MIGA1: variants seen among roughly 807,000 people sequenced by gnomAD.
MIGA1 encodes mitoguardin 1.
MIGA1 carries 58 observed loss-of-function variants against 82.0 expected under a neutral mutation model. The ratio of observed to expected loss-of-function variants is 0.71; its 90% CI spans 0.57 to 0.88. MIGA1 has a LOEUF of 0.88. Ranked by LOEUF, MIGA1 falls within the 40% of genes least tolerant of loss-of-function variation. The pLI, the probability that MIGA1 is intolerant of heterozygous loss-of-function variation, is 0.00. For missense variants in MIGA1, 751 were observed against 749.1 expected (o/e 1.00, Z -0.03); for synonymous variants, 249 against 253.6 (o/e 0.98, Z 0.17).
At chr1:77,822,783 A>C (rs1683870034) in intron 7 of MIGA1, among the ~76,000 whole-genome samples, 1 of 151,790 alleles carries the variant, frequency 6.6e-6, no homozygotes, top group Non-Finnish European at 1.5e-5. Context: ...TAGTTTGCCA[A>C]CTTAACATTA....
intron 14 of MIGA1, among the ~76,000 whole-genome samples, chr1:77,866,763 A>C (rs1382894344): frequency 6.8e-6 from 1 of 147,508 alleles, no homozygotes; most frequent in Admixed American, 6.9e-5. Flanking sequence ...GGCTCACTGC[A>C]ATCTTTGCTT....
In MIGA1 at chr1:77,811,659, A is replaced by G. The variant is rs1233006134; in HGVS notation, c.638-2075A>G. 8.7e-6 allele frequency: 14 copies of G among 1,611,880 alleles called. No homozygotes were observed. The East Asian group carries it at 1.1e-4, about 13-fold the overall frequency. On this transcript the variant is annotated intron_variant, in intron 5 of 15. Transcript: ENST00000370791. ...GTTGAGCTTGGGCCTCCTTTTGTAG[A>G]TGTCTTGCTAATATCTGATACTCGT...
chr1:77,874,820 A>C (rs772952557), intron 15 of MIGA1, 26 bp from the exon 16 acceptor site: 1 of 1,571,210 alleles, frequency 6.4e-7, no homozygotes, highest in Non-Finnish European at 8.7e-7. Flanking sequence ...TGGTCTAATA[A>C]ATGCCAATTT....
At chr1:77,841,278 T>C (rs1684617096) in intron 7 of MIGA1, among the ~76,000 whole-genome samples, 1 of 151,992 alleles carries the variant, frequency 6.6e-6, no homozygotes, top group African/African-American at 2.4e-5. Flanking sequence ...CTGAAAACAA[T>C]TATAATTTAA....
At chr1:77,791,445 T>C (rs72685304) in intron 2 of MIGA1, among the ~76,000 whole-genome samples, 1,869 of 152,268 alleles carry the variant, frequency 0.012, 43 homozygotes, top group South Asian at 0.1. Context: ...ACCATTCATT[T>C]ACTGAGGGTC....
At position 77,847,624 on chromosome 1, in the gene MIGA1, G is replaced by C; in HGVS notation, c.996+4217G>C. 2.6e-6 allele frequency: 4 copies of C among 1,548,804 alleles called. No homozygotes were observed. The South Asian group carries it at 3.4e-5, about 13-fold the overall frequency. The stretch of plus-strand genomic sequence containing the variant: ...AGAGCTGAAGAAGAAAGAAAAAAGA[G>C]GGCTGCTGCGCTGGAAGCGTGTTTG... On this transcript the variant is annotated intron_variant, in intron 8 of 15. Transcript: ENST00000370791.
At chr1:77,816,793 C>T (rs913166810) in intron 7 of MIGA1, among the ~76,000 whole-genome samples, 10 of 151,870 alleles carry the variant, frequency 6.6e-5, no homozygotes, top group South Asian at 2.1e-4. Context: ...TTAATTAGAA[C>T]GTCATTTGTG....
intron 14 of MIGA1, among the ~76,000 whole-genome samples, chr1:77,869,709 A>C (rs1402296164): frequency 3.9e-5 from 3 of 77,730 alleles, no homozygotes; most frequent in African/African-American, 5.6e-5. Context: ...TGACCCCCCC[A>C]CCTCCCTCCC....
intron 2 of MIGA1, among the ~76,000 whole-genome samples, chr1:77,784,595 A>AATAGTGCACAGTTTTTCCAC (rs574528726): frequency 6.6e-6 from 1 of 152,220 alleles, no homozygotes; most frequent in South Asian, 2.1e-4. Context: ...CGTTTCTACC[A>AATAGTGCACAGTTTTTCCAC]ATAGTGCACA....
chr1:77,867,290 T>C (rs1274981962), intron 14 of MIGA1, among the ~76,000 whole-genome samples: 1 of 152,150 alleles, frequency 6.6e-6, no homozygotes, highest in African/African-American at 2.4e-5. Context: ...TTTCCTTATC[T>C]CTAAAAATAG....
At chr1:77,847,105 A>G in intron 8 of MIGA1, 2 of 848,724 alleles carry the variant, frequency 2.4e-6, no homozygotes, top group East Asian at 4.8e-5. Flanking sequence ...ATATGGGAAC[A>G]AGATGGTGAT....
intron 2 of MIGA1, among the ~76,000 whole-genome samples, chr1:77,784,611 T>G (rs1228047786): frequency 6.6e-6 from 1 of 151,952 alleles, no homozygotes; most frequent in East Asian, 1.9e-4. Context: ...GCACAGTTTT[T>G]CCACATAGTG....
intron 7 of MIGA1, among the ~76,000 whole-genome samples, chr1:77,838,748 A>G (rs2101878345): frequency 6.6e-6 from 1 of 152,228 alleles, no homozygotes; most frequent in Admixed American, 6.5e-5. Context: ...GCACCCGGTC[A>G]CCTTCTAGCT....
intron 2 of MIGA1, among the ~76,000 whole-genome samples, chr1:77,799,354 T>C (rs549856870): frequency 6.6e-6 from 1 of 152,316 alleles, no homozygotes; most frequent in Admixed American, 6.5e-5. Context: ...TAGACTAATG[T>C]ATTAATAAGT....
rs532158965 is a variant in MIGA1 at position 77,865,600 on chromosome 1, AAAG to A, written c.1510-729_1510-727del. Among the ~76,000 whole-genome samples, 342 of 152,252 alleles carry A rather than the reference AAAG, an allele frequency of 2.2e-3. 1 individual carries two copies. The highest frequency in any genetic ancestry group is 7.7e-3 in the African/African-American group (320 of 41,526). On this transcript the variant is annotated intron_variant, in intron 13 of 15. Transcript: ENST00000370791. ...GGGAGTGAAACCCTGTCTCAAAAAA[AAAG>A]AAGAAGAAAAATTACTTTATTATTA...
chr1:77,795,142 T>G (rs1682600835), intron 2 of MIGA1, among the ~76,000 whole-genome samples: 1 of 151,982 alleles, frequency 6.6e-6, no homozygotes. Context: ...TTTTGTATTT[T>G]TAGTAAAGAT....
intron 7 of MIGA1, among the ~76,000 whole-genome samples, chr1:77,828,830 A>C (rs1684128442): frequency 6.6e-6 from 1 of 151,864 alleles, no homozygotes; most frequent in African/African-American, 2.4e-5. Context: ...GTGCCACACC[A>C]CCCAGCTAAT....
chr1:77,874,948 C>G lies in MIGA1; in HGVS notation c.1783C>G (p.Arg595Gly), dbSNP rs376057702. Reference sequence around the variant, plus strand: ...AGACCTCATGCAGTTACTCATTCGCCGCACTGAGCTTTTAATGGCCTATCT... The same window carrying G: ...AGACCTCATGCAGTTACTCATTCGCGGCACTGAGCTTTTAATGGCCTATCT... The change falls in exon 16 of 16, where the codon CGC becomes GGC. Residue 595 changes from arginine (R) to glycine (G), a missense_variant. Arg to Gly is a moderately radical substitution (Grantham distance 125, BLOSUM62 -2). Around this residue, in one of 3 missense-constraint regions of MIGA1, gnomAD observed 265 missense variants for 293.6 expected, o/e 0.90. Transcript: ENST00000370791. The G allele has an allele frequency of 2.5e-6, 4 of 1,614,048 alleles. No individual in the cohort carries two copies. The highest frequency in any genetic ancestry group is 3.4e-6 in the Non-Finnish European group (4 of 1,179,982).
intron 3 of MIGA1, among the ~76,000 whole-genome samples, chr1:77,803,067 C>T (rs1050485844): frequency 6.6e-6 from 1 of 151,786 alleles, no homozygotes; most frequent in Non-Finnish European, 1.5e-5. Flanking sequence ...CAGATTTTAG[C>T]AGTGTTGAAA....
Sources: allele counts gnomAD v4.1 joint callset (sites outside exome capture counted in the v4.1 genomes callset), GRCh38; gene constraint gnomAD v4.1.1; regional missense constraint gnomAD v4.1.1; transcripts MANE v1.5; gene names NCBI Gene and HGNC (gene_info 2026-07-23, HGNC 2026-07-21).